Variants in KDM4C observed in about 807,000 individuals in gnomAD.
KDM4C encodes lysine-specific demethylase 4C.
KDM4C carries 81 observed loss-of-function variants against 129.3 expected under a neutral mutation model. The ratio of observed to expected loss-of-function variants is 0.63; its 90% CI spans 0.52 to 0.75. The LOEUF is 0.75. Among genes scored for constraint, KDM4C ranks in the 30% least tolerant of loss-of-function variants. The pLI, the probability that KDM4C is intolerant of heterozygous loss-of-function variation, is 0.00. For missense variants in KDM4C, 1,457 were observed against 1,304.0 expected, an observed-to-expected ratio of 1.12 and a Z score of -1.81; for synonymous variants, 573 against 456.1, an observed-to-expected ratio of 1.26 and a Z score of -3.26.
At chr9:6,908,372 A>G (rs1421266436) in intron 8 of KDM4C, among the ~76,000 whole-genome samples, 1 of 152,232 alleles carries the variant, frequency 6.6e-6, no homozygotes, top group African/African-American at 2.4e-5. Context: ...GGGTACAGAC[A>G]GGCACACACA....
Position 6,891,823 on chromosome 9 carries a change from A to G in KDM4C, c.784-1272A>G, listed in dbSNP as rs149079506. 5.3e-3 allele frequency among the ~76,000 whole-genome samples: 802 copies of G among 152,278 alleles called. 5 individuals are homozygous for G. The highest frequency in any genetic ancestry group is 0.018 in the African/African-American group (732 of 41,568). On this transcript the variant is annotated intron_variant, in intron 7 of 21. Coordinates refer to ENST00000381309, the MANE Select transcript of KDM4C (RefSeq NM_015061.6). ...ATAAGTAATTTTCTGAGGTTGATAT[A>G]TTTAATAAATATATTTCTTCCTTAG...
chr9:7,169,206 T>C (rs1844708224), intron 20 of KDM4C, among the ~76,000 whole-genome samples: 2 of 152,234 alleles, frequency 1.3e-5, no homozygotes, highest in African/African-American at 4.8e-5. Context: ...TGTTTTGTGA[T>C]TTCCATTTGA....
intron 8 of KDM4C, among the ~76,000 whole-genome samples, chr9:6,953,725 T>C (rs2131534317): frequency 6.6e-6 from 1 of 152,344 alleles, no homozygotes; most frequent in East Asian, 1.9e-4. Context: ...TTTAAAAACG[T>C]CAACTATAGA....
chr9:6,876,088 G>C (rs1460747459), intron 5 of KDM4C, among the ~76,000 whole-genome samples: 1 of 152,124 alleles, frequency 6.6e-6, no homozygotes, highest in Non-Finnish European at 1.5e-5. Flanking sequence ...TGCTTTCCTG[G>C]GTTCTTTCAA....
chr9:6,974,505 G>C (rs930355562), intron 8 of KDM4C, among the ~76,000 whole-genome samples: 1 of 152,166 alleles, frequency 6.6e-6, no homozygotes, highest in African/African-American at 2.4e-5. Context: ...TTACAGGCAT[G>C]TGCCACCATG....
chr9:6,732,124 T>G (rs548989879), intron 1 of KDM4C, among the ~76,000 whole-genome samples: 8 of 151,920 alleles, frequency 5.3e-5, no homozygotes, highest in African/African-American at 1.4e-4. Flanking sequence ...TCCCAGCACT[T>G]GGGAGGCCAA....
intron 8 of KDM4C, among the ~76,000 whole-genome samples, chr9:6,935,785 T>G (rs1480232980): frequency 6.6e-6 from 1 of 152,206 alleles, no homozygotes; most frequent in African/African-American, 2.4e-5. Context: ...GTTTGTGTTA[T>G]GTGTTGTTAT....
At chr9:7,082,268 G>C (rs1233733558) in intron 17 of KDM4C, among the ~76,000 whole-genome samples, 1 of 152,172 alleles carries the variant, frequency 6.6e-6, no homozygotes, top group Non-Finnish European at 1.5e-5. Context: ...GGTACAGAGA[G>C]ACTCAGACCA....
chr9:6,806,306 T>C (rs1398390927), intron 3 of KDM4C, among the ~76,000 whole-genome samples: 2 of 151,918 alleles, frequency 1.3e-5, no homozygotes, highest in Admixed American at 6.6e-5. Context: ...ACCAGTCTGA[T>C]CAACATGGAG....
chr9:7,115,230 T>A (rs114403689), intron 18 of KDM4C, among the ~76,000 whole-genome samples: 2,450 of 152,288 alleles, frequency 0.016, 74 homozygotes, highest in African/African-American at 0.055. Flanking sequence ...TTTTCGTAGA[T>A]AAGGTGTATT....
In KDM4C at chr9:7,102,358, A is replaced by C. The variant is rs570985399; in HGVS notation, c.2425-1327A>C. 2.1e-5 allele frequency among the ~76,000 whole-genome samples: 3 copies of C among 145,692 alleles called. No individual in the cohort carries two copies. In the East Asian group the frequency reaches 6.1e-4, roughly 29 times the overall value. On this transcript the variant is annotated intron_variant, in intron 17 of 21. Coordinates refer to ENST00000381309, the MANE Select transcript of KDM4C (RefSeq NM_015061.6). Reference sequence around the variant, plus strand: ...TGGAGTGACTTGGAGATAAAGAGAAACCTTTAATTATATGAAGGATATTAA... The same window carrying C: ...TGGAGTGACTTGGAGATAAAGAGAACCCTTTAATTATATGAAGGATATTAA...
chr9:6,872,425 G>C (rs1458517435), intron 5 of KDM4C, among the ~76,000 whole-genome samples: 1 of 152,128 alleles, frequency 6.6e-6, no homozygotes, highest in Non-Finnish European at 1.5e-5. Context: ...GAATATCCTT[G>C]TTAATTTTCT....
At position 7,014,085 on chromosome 9, in the gene KDM4C, A is replaced by T. The variant is rs187897770; in HGVS notation, c.2182+84A>T. On this transcript the variant is annotated intron_variant, in intron 14 of 21. Transcript: ENST00000381309. ...TTCTCACTTTTTTGGAACCTGTCAG[A>T]TCTGTTGCATGGACTATTGGCATTC... 125 of 1,034,980 alleles carry T rather than the reference A, an allele frequency of 1.2e-4. No homozygotes were observed. The African/African-American group carries it at 1.6e-3, about 13-fold the overall frequency. 64.1% of individuals were successfully genotyped at this position (1,034,980 alleles called of 1,614,324 possible).
intron 19 of KDM4C, among the ~76,000 whole-genome samples, chr9:7,162,702 C>T (rs1007673693): frequency 9.2e-5 from 14 of 152,010 alleles, no homozygotes; most frequent in African/African-American, 3.4e-4. Flanking sequence ...TAATAAAGTT[C>T]TGCTGAAGGG....
intron 18 of KDM4C, 104 bp from the exon 19 acceptor site, chr9:7,127,962 G>T: frequency 1.9e-6 from 2 of 1,055,986 alleles, no homozygotes; most frequent in Non-Finnish European, 1.3e-6. Context: ...TTTAAATCTT[G>T]GCCAAATAAA....
chr9:7,015,850 T>C lies in KDM4C; in HGVS notation c.2183-3T>C, dbSNP rs768511194. ...CGCATGGATACATACTATTATTTTA[T>C]AGGTTGTTATGGTATTCCTTCTCAT... On this transcript the variant is annotated splice_polypyrimidine_tract_variant and splice_region_variant and intron_variant, in intron 14 of 21. Coordinates refer to ENST00000381309, the MANE Select transcript of KDM4C (RefSeq NM_015061.6). The C allele has an allele frequency of 1.2e-6, 2 of 1,604,044 alleles. No individual in the cohort carries two copies. Among genetic ancestry groups the C allele is most frequent in the Non-Finnish European group, 1.7e-6 (2 of 1,171,098 alleles).
chr9:7,052,908 A>ATCGAGAGATT (rs1280627493), intron 17 of KDM4C, among the ~76,000 whole-genome samples: 1 of 33,442 alleles, frequency 3.0e-5, no homozygotes, highest in Non-Finnish European at 7.7e-5. Flanking sequence ...AGAGCGAGCG[A>ATCGAGAGATT]GTGCCCAAGG....
At chr9:6,778,838 GAGA>G (rs1466979387) in intron 1 of KDM4C, among the ~76,000 whole-genome samples, 1 of 146,996 alleles carries the variant, frequency 6.8e-6, no homozygotes, top group Non-Finnish European at 1.5e-5. Flanking sequence ...TTTTAATTAT[GAGA>G]AGGAGTCTCA....
At chr9:6,814,515 GC>G (rs1233460039) in intron 3 of KDM4C, 115 bp from the exon 4 acceptor site, 1 of 567,102 alleles carries the variant, frequency 1.8e-6, no homozygotes, top group Admixed American at 3.3e-5. Flanking sequence ...TTGACAACAT[GC>G]AGTATTTTCG....
Sources: allele counts gnomAD v4.1 joint callset (sites outside exome capture counted in the v4.1 genomes callset), GRCh38; gene constraint gnomAD v4.1.1; transcripts MANE v1.5; gene names NCBI Gene and HGNC (gene_info 2026-07-23, HGNC 2026-07-21).